Variants in NIPSNAP2 observed in about 807,000 individuals in gnomAD.
NIPSNAP2 encodes protein NipSnap homolog 2.
NIPSNAP2 carries 42 observed loss-of-function variants against 48.4 expected under a neutral mutation model. The ratio of observed to expected loss-of-function variants is 0.87; its 90% CI spans 0.68 to 1.12. The LOEUF (loss-of-function observed/expected upper bound fraction) is 1.12. Among genes scored for constraint, NIPSNAP2 ranks in the 50% most tolerant of loss-of-function variants. NIPSNAP2 has a pLI of 0.00. For synonymous variants in NIPSNAP2, 158 were observed against 126.6 expected (o/e 1.25, Z -1.67); for missense variants, 314 against 347.3 (o/e 0.90, Z 0.76).
chr7:55,996,377 C>T (rs923358736), intron 8 of NIPSNAP2, among the ~76,000 whole-genome samples: 5 of 152,042 alleles, frequency 3.3e-5, no homozygotes, highest in South Asian at 2.1e-4. Flanking sequence ...CCACCTGAAG[C>T]GCCTTTCTTC....
At chr7:55,992,544 C>T (rs1176476525) in intron 7 of NIPSNAP2, among the ~76,000 whole-genome samples, 3 of 151,928 alleles carry the variant, frequency 2.0e-5, no homozygotes, top group Admixed American at 2.0e-4. Context: ...ATTTTTTTCC[C>T]CCTTTTGAGA....
intron 7 of NIPSNAP2, 39 bp downstream of exon 7, chr7:55,984,917 G>C (rs1343056785): frequency 1.3e-6 from 2 of 1,532,860 alleles, no homozygotes; most frequent in South Asian, 2.3e-5. Context: ...TAAGTCTTGT[G>C]AATAGATTAG....
At chr7:55,977,585 C>T (rs1787129156) in intron 1 of NIPSNAP2, among the ~76,000 whole-genome samples, 1 of 152,136 alleles carries the variant, frequency 6.6e-6, no homozygotes, top group Non-Finnish European at 1.5e-5. Flanking sequence ...GTACAATCAT[C>T]ACCACTATCT....
chr7:55,975,159 C>T (rs1443576640), intron 1 of NIPSNAP2, among the ~76,000 whole-genome samples: 1 of 152,062 alleles, frequency 6.6e-6, no homozygotes, highest in Non-Finnish European at 1.5e-5. Flanking sequence ...TCAAGGCCAG[C>T]CTGGGCAACC....
At position 55,982,191 on chromosome 7, in the gene NIPSNAP2, C is replaced by G; in HGVS notation, c.374-19C>G. 6.5e-7 allele frequency: 1 copy of G among 1,545,964 alleles called. No homozygotes were observed. The highest frequency in any genetic ancestry group is 1.7e-5 in the Admixed American group (1 of 59,354). On this transcript the variant is annotated intron_variant, in intron 4 of 9. Coordinates refer to ENST00000322090, the MANE Select transcript of NIPSNAP2 (RefSeq NM_001483.3). ...TCATGAAATTCTAAACGTATACTGT[C>G]TTTTAAAATGCATTTCAGTCCACCT...
intron 4 of NIPSNAP2, 102 bp from the exon 5 acceptor site, chr7:55,982,108 C>G: frequency 4.5e-6 from 3 of 674,094 alleles, no homozygotes; most frequent in Non-Finnish European, 7.8e-6. Context: ...CACACCCAGC[C>G]TACAGTTTTG....
intron 1 of NIPSNAP2, among the ~76,000 whole-genome samples, chr7:55,967,890 TCCTC>T (rs1786929943): frequency 6.6e-6 from 1 of 152,076 alleles, no homozygotes. Context: ...CCTCAAGTGA[TCCTC>T]CCACCACGGC....
At chr7:55,994,731 T>TA (rs1333534479) in intron 7 of NIPSNAP2, among the ~76,000 whole-genome samples, 163 bp from the exon 8 acceptor site, 4 of 151,280 alleles carry the variant, frequency 2.6e-5, no homozygotes, top group Non-Finnish European at 5.9e-5. Context: ...ATAAAGTAAA[T>TA]AAAATAACTT....
intron 3 of NIPSNAP2, chr7:55,979,675 C>T: frequency 2.3e-6 from 1 of 432,844 alleles, no homozygotes; most frequent in Non-Finnish European, 4.6e-6. Context: ...CCCTGCAATA[C>T]ATTACCCCAA....
At chr7:55,981,589 A>AGAAGTGTT in intron 4 of NIPSNAP2, 22 bp downstream of exon 4, 1 of 1,531,800 alleles carries the variant, frequency 6.5e-7, no homozygotes, top group Non-Finnish European at 9.0e-7. Flanking sequence ...AGTCTTTGGA[A>AGAAGTGTT]TAAACACTTC....
chr7:55,994,913 A>C lies in NIPSNAP2; in HGVS notation c.637A>C (p.Arg213=). 6.2e-7 allele frequency: 1 copy of C among 1,614,170 alleles called. No individual in the cohort carries two copies. The highest frequency in any genetic ancestry group is 8.5e-7 in the Non-Finnish European group (1 of 1,179,992). The change falls in exon 8 of 10, where the codon AGA becomes CGA. Residue 213 remains arginine, a synonymous_variant. Coordinates refer to ENST00000322090, the MANE Select transcript of NIPSNAP2 (RefSeq NM_001483.3). ...TTACAGGGCTCGTGCAATCCGCTTCAGACAGGATGGTAACGAAGCCGTCGG... is the reference window on the plus strand; with the variant it reads ...TTACAGGGCTCGTGCAATCCGCTTCCGACAGGATGGTAACGAAGCCGTCGG... The part of the protein sequence containing the change: ...GNYWARAIRF[R]QDGNEAVGGF...
intron 7 of NIPSNAP2, among the ~76,000 whole-genome samples, chr7:55,993,927 GA>G (rs56908796): frequency 0.19 from 26,096 of 138,850 alleles, 2,759 homozygotes; most frequent in East Asian, 0.36. Context: ...TAGTAGGAAA[GA>G]AAAAAAAAAA....
chr7:55,981,594 CACT>C lies in NIPSNAP2; in HGVS notation c.373+28_373+30del, dbSNP rs774528156. ...TAGGAAGCGAAGTCTTTGGAATAAA[CACT>C]TCTTCCTTAAGCCTTATGTAACACT... On this transcript the variant is annotated intron_variant, in intron 4 of 9. Transcript: ENST00000322090. 13 of 1,484,776 alleles carry C rather than the reference CACT, an allele frequency of 8.8e-6. No individual in the cohort carries two copies. The East Asian group carries it at 2.7e-4, about 31-fold the overall frequency. 92.0% of individuals were successfully genotyped at this position (1,484,776 alleles called of 1,614,324 possible). A position where few individuals can be genotyped will look rare whatever the true frequency, so the allele number is the denominator to read the frequency against.
intron 4 of NIPSNAP2, 66 bp from the exon 5 acceptor site, chr7:55,982,144 A>G: frequency 9.8e-7 from 1 of 1,021,380 alleles, no homozygotes; most frequent in Non-Finnish European, 1.5e-6. Flanking sequence ...ATACCTATCT[A>G]GAACATTTTC....
chr7:55,987,998 T>G (rs1350953243), intron 7 of NIPSNAP2, among the ~76,000 whole-genome samples: 1 of 152,118 alleles, frequency 6.6e-6, no homozygotes, highest in African/African-American at 2.4e-5. Flanking sequence ...TTAGGCCAGG[T>G]GCAGTGGCTC....
chr7:55,984,913 T>G (rs756246002), intron 7 of NIPSNAP2, 35 bp downstream of exon 7: 3 of 1,553,352 alleles, frequency 1.9e-6, no homozygotes, highest in Non-Finnish European at 2.7e-6. Flanking sequence ...TTTTTAAGTC[T>G]TGTGAATAGA....
chr7:55,988,445 A>G (rs1294013133), intron 7 of NIPSNAP2, among the ~76,000 whole-genome samples: 3 of 152,180 alleles, frequency 2.0e-5, no homozygotes, highest in African/African-American at 7.2e-5. Context: ...GGACAGCTGT[A>G]ACTTAAAAGA....
At chr7:55,983,407 T>C (rs921946851) in intron 5 of NIPSNAP2, among the ~76,000 whole-genome samples, 1 of 152,228 alleles carries the variant, frequency 6.6e-6, no homozygotes, top group African/African-American at 2.4e-5. Context: ...TCTTTTGTAG[T>C]CTGCATGCTA....
chr7:55,969,608 A>G (rs1427882860), intron 1 of NIPSNAP2, among the ~76,000 whole-genome samples: 13 of 152,122 alleles, frequency 8.5e-5, no homozygotes. Context: ...CTCACCAGCA[A>G]ACTGAGCTCC....
Sources: allele counts gnomAD v4.1 joint callset (sites outside exome capture counted in the v4.1 genomes callset), GRCh38; gene constraint gnomAD v4.1.1; transcripts MANE v1.5; gene names NCBI Gene and HGNC (gene_info 2026-07-23, HGNC 2026-07-21).